MTMR7: variants seen among roughly 807,000 people sequenced by gnomAD.
MTMR7 encodes myotubularin related protein 7.
A neutral mutation model predicts 81.2 loss-of-function variants in MTMR7; 76 were observed. The observed-to-expected ratio is 0.94, with a 90% CI of 0.78 to 1.13. The LOEUF (loss-of-function observed/expected upper bound fraction) is 1.13, where lower values mean the gene tolerates loss of function less well. Ranked by LOEUF, MTMR7 falls within the 50% of genes most tolerant of loss-of-function variation. The probability of loss-of-function intolerance (pLI) is 0.00; values close to 1 mark genes in which losing one functional copy is unlikely to be tolerated. For missense variants in MTMR7, 1,044 were observed against 820.0 expected, an observed-to-expected ratio of 1.27 and a Z score of -3.34; for synonymous variants, 372 against 289.8, an observed-to-expected ratio of 1.28 and a Z score of -2.88.
intron 7 of MTMR7, among the ~76,000 whole-genome samples, chr8:17,322,236 A>G (rs940540531): frequency 2.6e-5 from 4 of 152,230 alleles, no homozygotes; most frequent in African/African-American, 9.6e-5. Context: ...TCCACTGAAC[A>G]TCCACCAGGT....
intron 7 of MTMR7, among the ~76,000 whole-genome samples, chr8:17,316,150 A>G (rs1818056023): frequency 6.6e-6 from 1 of 152,210 alleles, no homozygotes; most frequent in African/African-American, 2.4e-5. Flanking sequence ...TGGGCAGATT[A>G]CTTAGCCTCT....
chr8:17,367,377 G>A (rs1006033598), intron 3 of MTMR7, among the ~76,000 whole-genome samples: 1 of 152,000 alleles, frequency 6.6e-6, no homozygotes, highest in Non-Finnish European at 1.5e-5. Context: ...AGAGGAGAGA[G>A]GACATGGGAA....
At chr8:17,373,271 C>T (rs1445632678) in intron 1 of MTMR7, 31 bp from the exon 2 acceptor site, 4 of 1,590,842 alleles carry the variant, frequency 2.5e-6, no homozygotes, top group Non-Finnish European at 3.4e-6. Flanking sequence ...AAAAGAGTTA[C>T]CGTAAAGCAG....
chr8:17,307,055 A>C (rs1817500401), intron 10 of MTMR7, among the ~76,000 whole-genome samples: 2 of 152,316 alleles, frequency 1.3e-5, no homozygotes, highest in East Asian at 1.9e-4. Context: ...TAATTAAACT[A>C]AAGAGCTTCT....
chr8:17,371,105 T>A lies in MTMR7; in HGVS notation c.242A>T (p.Gln81Leu). ...LIRCKNFQII[Q>L]LIIPQERDCH... Reference sequence around the variant, plus strand: ...ATCTCTTTCCTGAGGTATGATGAGCTGTATTATCTGAAAGTTCTTGCAGCG... The same window carrying A: ...ATCTCTTTCCTGAGGTATGATGAGCAGTATTATCTGAAAGTTCTTGCAGCG... Residue 81 changes from glutamine (Q) to leucine (L), a missense_variant, in exon 3 of 14, where the codon CAG becomes CTG. Coordinates refer to ENST00000180173, the MANE Select transcript of MTMR7 (RefSeq NM_004686.5). 1 of 1,614,192 alleles carries A rather than the reference T, an allele frequency of 6.2e-7. No homozygotes were observed. The highest frequency in any genetic ancestry group is 2.2e-5 in the East Asian group (1 of 44,888).
At chr8:17,334,484 A>G (rs1268143600) in intron 6 of MTMR7, among the ~76,000 whole-genome samples, 2 of 152,254 alleles carry the variant, frequency 1.3e-5, no homozygotes, top group Admixed American at 6.5e-5. Context: ...TTCAGTTCCA[A>G]TTCATGTTTA....
intron 1 of MTMR7, among the ~76,000 whole-genome samples, chr8:17,395,728 G>A (rs1821226685): frequency 6.6e-6 from 1 of 152,108 alleles, no homozygotes; most frequent in Non-Finnish European, 1.5e-5. Context: ...TATCTTCTTT[G>A]GAGAAATGTC....
Position 17,373,172 on chromosome 8 carries a change from C to T in MTMR7, c.93G>A (p.Thr31=), listed in dbSNP as rs775082579. Residue 31 remains threonine (T), a synonymous_variant, in exon 2 of 14, where the codon ACG becomes ACA. Transcript: ENST00000180173. ...TTTCCACGAATATGACATGGGTAGC[C>T]GTCAAATACAAAGTACCTAGAGCTG... is the stretch of plus-strand genomic sequence containing the variant. ...KKAALGTLYL[T]ATHVIFVENS... is the part of the protein sequence containing the mutation. 8.1e-6 allele frequency: 13 copies of T among 1,613,524 alleles called. No individual in the cohort carries two copies. Among genetic ancestry groups the T allele is most frequent in the Admixed American group, 5.0e-5 (3 of 60,002 alleles).
intron 1 of MTMR7, among the ~76,000 whole-genome samples, chr8:17,373,591 C>A (rs1563365250): frequency 6.6e-6 from 1 of 152,090 alleles, no homozygotes; most frequent in Non-Finnish European, 1.5e-5. Context: ...TGTTAATGTT[C>A]TGAGTTTACA....
chr8:17,368,632 G>T (rs1245308978), intron 3 of MTMR7, among the ~76,000 whole-genome samples: 1 of 152,134 alleles, frequency 6.6e-6, no homozygotes, highest in Admixed American at 6.5e-5. Context: ...CAGAGTCAAA[G>T]TCCTGCTTCC....
intron 3 of MTMR7, among the ~76,000 whole-genome samples, chr8:17,362,705 T>C (rs1323620646): frequency 1.3e-5 from 2 of 152,214 alleles, no homozygotes; most frequent in South Asian, 2.1e-4. Context: ...AATATACTTC[T>C]TTCTCATAGC....
Position 17,305,884 on chromosome 8 carries a change from A to T in MTMR7, c.1225T>A (p.Leu409Ile). Residue 409 changes from leucine to isoleucine, a missense_variant, in exon 11 of 14, where the codon TTA becomes ATA. Leu to Ile is a conservative substitution (Grantham distance 5, BLOSUM62 2). Coordinates refer to ENST00000180173, the MANE Select transcript of MTMR7 (RefSeq NM_004686.5). ...IDQFIECVWQ[L>I]MEQFPCAFEF... ...AAGGCACAGGGAAATTGTTCCATTA[A>T]CTGCCAAACACACTCAATGAACTGG... The T allele has an allele frequency of 6.2e-7, 1 of 1,613,780 alleles. No homozygotes were observed. Among genetic ancestry groups the T allele is most frequent in the Non-Finnish European group, 8.5e-7 (1 of 1,179,742 alleles).
At position 17,300,119 on chromosome 8, in the gene MTMR7, C is replaced by T. The variant is rs572712217; in HGVS notation, c.1726G>A (p.Ala576Thr). The T allele has an allele frequency of 1.2e-6, 2 of 1,614,112 alleles. No homozygotes were observed. Among genetic ancestry groups the T allele is most frequent in the African/African-American group, 1.3e-5 (1 of 75,010 alleles). ...SGFSTSDNSI[A>T]NTPQDYSGNM... is the part of the protein sequence containing the mutation. ...CCACTGTAATCCTGGGGAGTGTTGG[C>T]TATGCTGTTGTCTGAGGTAGAAAAC... The change falls in exon 14 of 14, where the codon GCC (alanine) becomes ACC (threonine). Residue 576 changes from alanine (A) to threonine (T), a missense_variant. Physicochemically the swap from Ala to Thr is moderately conservative, Grantham distance 58. Transcript: ENST00000180173.
At chr8:17,383,797 G>C (rs1231478072) in intron 1 of MTMR7, among the ~76,000 whole-genome samples, 1 of 151,792 alleles carries the variant, frequency 6.6e-6, no homozygotes, top group African/African-American at 2.4e-5. Context: ...CGGTGGTCGA[G>C]GGATTCTCTG....
intron 1 of MTMR7, among the ~76,000 whole-genome samples, chr8:17,404,109 G>C (rs1024266802): frequency 1.3e-5 from 2 of 152,168 alleles, no homozygotes; most frequent in Non-Finnish European, 2.9e-5. Context: ...ATATTTAACA[G>C]TATCTCTGGC....
At chr8:17,341,532 A>G in intron 5 of MTMR7, 35 bp from the exon 6 acceptor site, 1 of 1,609,048 alleles carries the variant, frequency 6.2e-7, no homozygotes. Context: ...CAGCACCATC[A>G]GGTAACTGTA....
chr8:17,335,107 G>C (rs373335362), intron 6 of MTMR7, among the ~76,000 whole-genome samples: 21 of 152,294 alleles, frequency 1.4e-4, no homozygotes, highest in African/African-American at 4.6e-4. Context: ...TGAAAAACTG[G>C]AGACTGATTT....
intron 2 of MTMR7, among the ~76,000 whole-genome samples, chr8:17,371,949 T>C (rs1228609213): frequency 1.3e-5 from 2 of 151,664 alleles, no homozygotes; most frequent in Non-Finnish European, 2.9e-5. Flanking sequence ...GTCACCTTGC[T>C]GTGCAATAGA....
At position 17,382,959 on chromosome 8, in the gene MTMR7, A is replaced by C. The variant is rs1471362832; in HGVS notation, c.25-9719T>G. Reference sequence around the variant, plus strand: ...AGGGTGCAGGGCATTGGCTGTAAGAAGCACTCACAGGGCACCAAACTGTCA... The same window carrying C: ...AGGGTGCAGGGCATTGGCTGTAAGACGCACTCACAGGGCACCAAACTGTCA... On this transcript the variant is annotated intron_variant, in intron 1 of 13. Coordinates refer to ENST00000180173, the MANE Select transcript of MTMR7 (RefSeq NM_004686.5). Among the ~76,000 whole-genome samples the C allele has an allele frequency of 3.9e-5, 6 of 152,278 alleles. No homozygotes were observed. In the East Asian group the frequency reaches 1.2e-3, roughly 29 times the overall value.
Sources: gnomAD v4.1 joint callset for allele counts (sites outside exome capture counted in the v4.1 genomes callset) on GRCh38, gnomAD v4.1.1 for gene constraint, MANE v1.5 for transcripts, NCBI Gene and HGNC (gene_info 2026-07-23, HGNC 2026-07-21) for gene names.